Variants in ZDHHC11B observed in about 807,000 individuals in gnomAD.
ZDHHC11B encodes the protein zDHHC palmitoyltransferase 11B (putative), also known as probable palmitoyltransferase ZDHHC11B.
In ZDHHC11B, 17 loss-of-function variants were observed where a neutral mutation model predicts 42.3. That is an observed-to-expected ratio of 0.40 (90% CI 0.27 to 0.60). The LOEUF (loss-of-function observed/expected upper bound fraction) is 0.60, where lower values mean the gene tolerates loss of function less well. Ranked by LOEUF, ZDHHC11B falls within the 20% of genes least tolerant of loss-of-function variation. The pLI, the probability that ZDHHC11B is intolerant of heterozygous loss-of-function variation, is 0.41. For missense variants in ZDHHC11B, 262 were observed against 463.2 expected, an observed-to-expected ratio of 0.57 and a Z score of 3.99; for synonymous variants, 123 against 193.5, an observed-to-expected ratio of 0.64 and a Z score of 3.02.
chr5:756,632 C>T (rs1733893454), intron 4 of ZDHHC11B, among the ~76,000 whole-genome samples: 1 of 151,692 alleles, frequency 6.6e-6, no homozygotes, highest in African/African-American at 2.4e-5. Context: ...AGAGCAGGGC[C>T]ACAGGAGGTA....
rs1741530559 is a variant in ZDHHC11B, at chr5:713,665, T to C, written c.*8-1383A>G. ...TATTAAATTCTCAGCTTGGGGACTT[T>C]TGGTCACCCACCTCACACAAATTTA... On this transcript the variant is annotated intron_variant, in intron 13 of 13. Transcript: ENST00000508859. 4.6e-5 allele frequency among the ~76,000 whole-genome samples: 7 copies of C among 152,138 alleles called. No individual in the cohort carries two copies. The South Asian group carries it at 1.5e-3, about 32-fold the overall frequency.
intron 1 of ZDHHC11B, among the ~76,000 whole-genome samples, chr5:780,922 C>T (rs548581125): frequency 8.0e-5 from 12 of 150,686 alleles, no homozygotes; most frequent in East Asian, 2.0e-4. Flanking sequence ...GAAGCAGCCA[C>T]GGTGGCCAGG....
At chr5:755,352 A>C in intron 5 of ZDHHC11B, among the ~76,000 whole-genome samples, 1 of 103,742 alleles carries the variant, frequency 9.6e-6, no homozygotes, top group Non-Finnish European at 2.1e-5. Flanking sequence ...CTGAGCATAG[A>C]CCCCCCGCCA....
In ZDHHC11B at chr5:757,046, C is replaced by T. The variant is rs549784334; in HGVS notation, c.223-902G>A. Among the ~76,000 whole-genome samples the T allele has an allele frequency of 3.4e-4, 52 of 151,900 alleles. 1 individual carries two copies. Among genetic ancestry groups the T allele is most frequent in the South Asian group, 6.3e-4 (3 of 4,792 alleles). ...GAAGCTGGGCTCCCCGTGACTGGAACGTCAGCTTCCGCCCTCAGATACTGG... is the reference window on the plus strand; with the variant it reads ...GAAGCTGGGCTCCCCGTGACTGGAATGTCAGCTTCCGCCCTCAGATACTGG... On this transcript the variant is annotated intron_variant, in intron 4 of 13. Coordinates refer to ENST00000508859, the MANE Select transcript of ZDHHC11B (RefSeq NM_001351303.2).
intron 13 of ZDHHC11B, among the ~76,000 whole-genome samples, chr5:714,104 G>A (rs892380300): frequency 3.0e-5 from 4 of 133,014 alleles, no homozygotes; most frequent in Non-Finnish European, 6.6e-5. Context: ...ACATGGACAC[G>A]GACACGCGCA....
intron 6 of ZDHHC11B, among the ~76,000 whole-genome samples, chr5:751,484 C>T (rs1306507482): frequency 5.7e-4 from 14 of 24,746 alleles, no homozygotes; most frequent in South Asian, 3.4e-3. Context: ...CGGGGGCATG[C>T]AGGGCAGGTG....
rs906778854 is a variant in ZDHHC11B at position 758,675 on chromosome 5, C to T, written c.223-2531G>A. On this transcript the variant is annotated intron_variant, in intron 4 of 13. Transcript: ENST00000508859. ...AAACAAGGGTTCAGCTGGCAAGGGA[C>T]TCCCCCCCACCAAGATTCCAGGGCA... Among the ~76,000 whole-genome samples, 5 of 151,700 alleles carry T rather than the reference C, an allele frequency of 3.3e-5. 1 individual carries two copies. The highest frequency in any genetic ancestry group is 7.4e-5 in the Non-Finnish European group (5 of 67,856).
intron 4 of ZDHHC11B, among the ~76,000 whole-genome samples, chr5:759,420 C>A (rs529539466): frequency 6.6e-6 from 1 of 152,046 alleles, no homozygotes; most frequent in South Asian, 2.1e-4. Context: ...TGACACGTGC[C>A]ACTGAAGGCG....
chr5:756,269 G>T (rs1441757285), intron 4 of ZDHHC11B, 125 bp from the exon 5 acceptor site: 45 of 1,420,490 alleles, frequency 3.2e-5, no homozygotes, highest in East Asian at 1.7e-4. Context: ...CCCTGCACAC[G>T]TGAGCCCAGC....
At position 748,242 on chromosome 5, in the gene ZDHHC11B, T is replaced by C. The variant is rs1316702833; in HGVS notation, c.784+162A>G. 10 of 645,434 alleles carry C rather than the reference T, an allele frequency of 1.5e-5. 4 individuals carry two copies. Among genetic ancestry groups the C allele is most frequent in the Non-Finnish European group, 2.6e-5 (10 of 382,342 alleles). 40.0% of individuals were successfully genotyped at this position (645,434 alleles called of 1,614,324 possible). A position where few individuals can be genotyped will look rare whatever the true frequency, so the allele number is the denominator to read the frequency against. ...CCCTTTTTGTCCATGATCTCACTTC[T>C]GGGAGAGGCTGACCCTGAACACATG... On this transcript the variant is annotated intron_variant, in intron 8 of 13. Transcript: ENST00000508859.
rs1271038710 is a variant in ZDHHC11B, at chr5:719,684, C to G, written c.1059-2819G>C. Among the ~76,000 whole-genome samples, 6 of 150,716 alleles carry G rather than the reference C, an allele frequency of 4.0e-5. 1 individual carries two copies. The highest frequency in any genetic ancestry group is 1.5e-4 in the African/African-American group (6 of 40,846). On this transcript the variant is annotated intron_variant, in intron 12 of 13. Transcript: ENST00000508859. ...AGAGCTTGAAAGGTTTGTTAGACAC[C>G]ATCAAGGGTACCAACATATGCAACA...
At chr5:712,896 G>A (rs547276003) in intron 13 of ZDHHC11B, among the ~76,000 whole-genome samples, 3 of 148,162 alleles carry the variant, frequency 2.0e-5, no homozygotes, top group African/African-American at 5.0e-5. Context: ...GTGACACAGC[G>A]AGACTCTGTC....
At chr5:733,403 T>A (rs1404072897) in intron 11 of ZDHHC11B, among the ~76,000 whole-genome samples, 1 of 151,662 alleles carries the variant, frequency 6.6e-6, no homozygotes, top group Non-Finnish European at 1.5e-5. Context: ...TGGCTACCAA[T>A]CTCCTTCCAT....
At chr5:742,664 G>A (rs1462956805) in intron 9 of ZDHHC11B, among the ~76,000 whole-genome samples, 1 of 149,540 alleles carries the variant, frequency 6.7e-6, no homozygotes, top group African/African-American at 2.5e-5. Flanking sequence ...CACATGTCAT[G>A]TAAACGTAAC....
At chr5:756,599 A>G (rs1322300399) in intron 4 of ZDHHC11B, among the ~76,000 whole-genome samples, 1 of 151,660 alleles carries the variant, frequency 6.6e-6, no homozygotes, top group Non-Finnish European at 1.5e-5. Context: ...AGTGACCCCA[A>G]AACCCTTTAC....
At chr5:742,894 G>C (rs1361666311) in intron 9 of ZDHHC11B, among the ~76,000 whole-genome samples, 1 of 149,100 alleles carries the variant, frequency 6.7e-6, no homozygotes, top group African/African-American at 2.5e-5. Context: ...TCAGATCAAA[G>C]ACAAGCTTTG....
At chr5:729,090 G>C (rs1222639097) in intron 12 of ZDHHC11B, among the ~76,000 whole-genome samples, 1 of 151,372 alleles carries the variant, frequency 6.6e-6, no homozygotes, top group Non-Finnish European at 1.5e-5. Flanking sequence ...GCACTCATCT[G>C]TGAGGGGGAG....
chr5:720,069 C>A (rs1292341616), intron 12 of ZDHHC11B, among the ~76,000 whole-genome samples: 1 of 151,672 alleles, frequency 6.6e-6, no homozygotes, highest in Non-Finnish European at 1.5e-5. Context: ...GAACGTATTC[C>A]CCACAGATAA....
chr5:714,836 T>C (rs1486847005), intron 13 of ZDHHC11B, among the ~76,000 whole-genome samples: 50 of 150,720 alleles, frequency 3.3e-4, no homozygotes, highest in African/African-American at 1.2e-3. Context: ...GTTTGTGTCA[T>C]GGGGCTGGAC....
Sources: allele counts gnomAD v4.1 joint callset (sites outside exome capture counted in the v4.1 genomes callset), GRCh38; gene constraint gnomAD v4.1.1; transcripts MANE v1.5; gene names NCBI Gene and HGNC (gene_info 2026-07-23, HGNC 2026-07-21).